The following CDK13 variants were observed in gnomAD, a reference collection of about 807,000 sequenced individuals.
The protein encoded by CDK13 is cyclin-dependent kinase 13.
In CDK13, 40 loss-of-function variants were observed where a neutral mutation model predicts 137.6. The observed-to-expected ratio is 0.29, with a 90% CI of 0.23 to 0.38. CDK13 has a LOEUF of 0.38. CDK13 is among the 10% of genes least tolerant of loss of function. The probability of loss-of-function intolerance (pLI) is 1.00; values close to 1 mark genes in which losing one functional copy is unlikely to be tolerated. For synonymous variants in CDK13, 869 were observed against 760.1 expected, an observed-to-expected ratio of 1.14 and a Z score of -2.36; for missense variants, 1,704 against 1,951.8, an observed-to-expected ratio of 0.87 and a Z score of 2.39.
At chr7:40,078,660 A>G in intron 10 of CDK13, 60 bp from the exon 11 acceptor site, 1 of 1,108,162 alleles carries the variant, frequency 9.0e-7, no homozygotes, top group Admixed American at 3.0e-5. Flanking sequence ...TTAAGCTCCT[A>G]AAGAAACATA....
intron 2 of CDK13, among the ~76,000 whole-genome samples, chr7:39,994,278 A>G (rs1784518067): frequency 6.6e-6 from 1 of 152,160 alleles, no homozygotes; most frequent in South Asian, 2.1e-4. Flanking sequence ...CAGATCTGAT[A>G]GAAGTTTGGT....
chr7:40,019,237 A>G (rs1785064680), intron 5 of CDK13, among the ~76,000 whole-genome samples: 1 of 152,138 alleles, frequency 6.6e-6, no homozygotes, highest in Non-Finnish European at 1.5e-5. Context: ...CTATGTGAAA[A>G]CTATTTAAGT....
intron 5 of CDK13, among the ~76,000 whole-genome samples, chr7:40,043,713 A>T (rs527508440): frequency 6.6e-6 from 1 of 151,800 alleles, no homozygotes; most frequent in East Asian, 1.9e-4. Flanking sequence ...CATGACCCCA[A>T]CTATACTTGG....
intron 11 of CDK13, among the ~76,000 whole-genome samples, chr7:40,082,211 G>A (rs1015690466): frequency 7.9e-5 from 12 of 152,226 alleles, no homozygotes; most frequent in African/African-American, 2.9e-4. Context: ...ATTTTAGGCT[G>A]GGCGCAGTGG....
At chr7:40,065,826 G>A (rs1474792296) in intron 9 of CDK13, among the ~76,000 whole-genome samples, 1 of 152,070 alleles carries the variant, frequency 6.6e-6, no homozygotes. Context: ...ATCTGGTCTT[G>A]GGTTTATTCA....
chr7:40,021,891 A>G (rs1394824559), intron 5 of CDK13, among the ~76,000 whole-genome samples: 1 of 152,212 alleles, frequency 6.6e-6, no homozygotes, highest in East Asian at 1.9e-4. Flanking sequence ...GATGTAGAGA[A>G]TCTCATTATT....
In CDK13 at chr7:40,078,094, G is replaced by A. The variant is rs1317346363; in HGVS notation, c.2870G>A (p.Arg957His). Residue 957 changes from arginine (R) to histidine (H), a missense_variant, in exon 10 of 14, where the codon CGT (arginine) becomes CAT (histidine). Physicochemically the swap from Arg to His is conservative, Grantham distance 29. This residue lies in a region of CDK13 where 130 missense variants were observed against 362.4 expected (regional missense o/e 0.36). Coordinates refer to ENST00000181839, the MANE Select transcript of CDK13 (RefSeq NM_003718.5). ...ACCATGAAACCAAAGAAGCAATATC[G>A]TCGAAAGTTAAGAGAAGAATTTGTT... ...FNTMKPKKQY[R>H]RKLREEFVFI... The A allele has an allele frequency of 3.8e-6, 6 of 1,595,030 alleles. No individual in the cohort carries two copies. Among genetic ancestry groups the A allele is most frequent in the Non-Finnish European group, 2.6e-6 (3 of 1,170,878 alleles).
At position 39,997,474 on chromosome 7, in the gene CDK13, C is replaced by A; in HGVS notation, c.1872-20C>A. The A allele has an allele frequency of 6.3e-7, 1 of 1,581,314 alleles. No homozygotes were observed. The highest frequency in any genetic ancestry group is 1.2e-5 in the South Asian group (1 of 84,416). On this transcript the variant is annotated intron_variant, in intron 2 of 13. Coordinates refer to ENST00000181839, the MANE Select transcript of CDK13 (RefSeq NM_003718.5). ...TCAACAAAATTTTTGTTTTATTTGTCTGACTTCTTTCACTTTCAGCTTACG... is the reference window on the plus strand; with the variant it reads ...TCAACAAAATTTTTGTTTTATTTGTATGACTTCTTTCACTTTCAGCTTACG...
intron 7 of CDK13, chr7:40,060,834 G>C (rs999427775): frequency 6.6e-6 from 1 of 152,266 alleles, no homozygotes; most frequent in Non-Finnish European, 1.5e-5. Context: ...TTGGGAGGCC[G>C]AGGTGCGCAG....
At chr7:40,007,190 T>C (rs1431881692) in intron 5 of CDK13, among the ~76,000 whole-genome samples, 1 of 152,222 alleles carries the variant, frequency 6.6e-6, no homozygotes, top group Non-Finnish European at 1.5e-5. Flanking sequence ...TATTAGTGTT[T>C]TTATAATGAG....
rs2116059505 is a variant in CDK13, at chr7:39,951,261, G to C, written c.620G>C (p.Gly207Ala). The change falls in exon 1 of 14, where the codon GGC becomes GCC. Residue 207 changes from glycine to alanine, a missense_variant. Around this residue, in one of 5 missense-constraint regions of CDK13, gnomAD observed 1,051 missense variants for 931.0 expected, o/e 1.13. Transcript: ENST00000181839. ...RPRRDRRSSS[G>A]RSKERHREHR... ...CGCCGGGACCGCCGCAGCAGCAGTG[G>C]CCGCAGCAAGGAGCGCCACCGCGAG... 1.5e-6 allele frequency: 2 copies of C among 1,329,834 alleles called. No homozygotes were observed. Among genetic ancestry groups the C allele is most frequent in the Non-Finnish European group, 1.9e-6 (2 of 1,046,590 alleles). 82.4% of individuals were successfully genotyped at this position (1,329,834 alleles called of 1,614,324 possible).
At chr7:40,046,634 G>A (rs889333360) in intron 6 of CDK13, among the ~76,000 whole-genome samples, 3 of 150,472 alleles carry the variant, frequency 2.0e-5, no homozygotes, top group Non-Finnish European at 3.0e-5. Context: ...GTGACACAGC[G>A]AGACTCTGGC....
intron 5 of CDK13, among the ~76,000 whole-genome samples, chr7:40,032,588 T>G (rs1785403378): frequency 6.6e-6 from 1 of 152,250 alleles, no homozygotes. Flanking sequence ...TGTCTAAATT[T>G]CATTTTGTTC....
intron 5 of CDK13, among the ~76,000 whole-genome samples, chr7:40,003,751 A>G (rs1049113526): frequency 6.6e-6 from 1 of 152,044 alleles, no homozygotes; most frequent in Non-Finnish European, 1.5e-5. Flanking sequence ...TACTTCTCCA[A>G]TCCCATCTAT....
At position 40,095,401 on chromosome 7, in the gene CDK13, T is replaced by C. The variant is rs1272829677; in HGVS notation, c.*421T>C. 1 of 153,294 alleles carries C rather than the reference T, an allele frequency of 6.5e-6. No homozygotes were observed. The highest frequency in any genetic ancestry group is 1.5e-5 in the Non-Finnish European group (1 of 68,510). 9.5% of individuals were successfully genotyped at this position (153,294 alleles called of 1,614,324 possible). A position where few individuals can be genotyped will look rare whatever the true frequency, so the allele number is the denominator to read the frequency against. On this transcript the variant is annotated 3_prime_UTR_variant, in exon 14 of 14. Coordinates refer to ENST00000181839, the MANE Select transcript of CDK13 (RefSeq NM_003718.5). ...AACAATCAGAAAGGGCACTGATTTA[T>C]TTGGTATTTTTCTTTTTACAAAGCT...
intron 2 of CDK13, among the ~76,000 whole-genome samples, chr7:39,994,413 G>A (rs1784521397): frequency 6.6e-6 from 1 of 151,876 alleles, no homozygotes; most frequent in African/African-American, 2.4e-5. Context: ...ACATATATCT[G>A]TTTCTCTACT....
chr7:40,038,498 T>C (rs988844911), intron 5 of CDK13, among the ~76,000 whole-genome samples: 1 of 152,176 alleles, frequency 6.6e-6, no homozygotes, highest in African/African-American at 2.4e-5. Context: ...AGAATTGGGA[T>C]TGTTAAGTCA....
intron 1 of CDK13, among the ~76,000 whole-genome samples, chr7:39,964,536 G>A (rs1439436776): frequency 1.3e-5 from 2 of 149,962 alleles, no homozygotes; most frequent in Non-Finnish European, 3.0e-5. Context: ...TCTTGCTAGC[G>A]GTCTGTCAAT....
At position 40,051,560 on chromosome 7, in the gene CDK13, T is replaced by C. The variant is rs538064641; in HGVS notation, c.2600+3683T>C. Among the ~76,000 whole-genome samples, 16 of 152,364 alleles carry C rather than the reference T, an allele frequency of 1.1e-4. No individual in the cohort carries two copies. In the South Asian group the frequency reaches 3.1e-3, roughly 30 times the overall value. ...AAGTATAAAGTCACTTTGAAGTGTTTTTATTTTCTAAGTAGTTAATATAGA... is the reference window on the plus strand; with the variant it reads ...AAGTATAAAGTCACTTTGAAGTGTTCTTATTTTCTAAGTAGTTAATATAGA... On this transcript the variant is annotated intron_variant, in intron 7 of 13. Coordinates refer to ENST00000181839, the MANE Select transcript of CDK13 (RefSeq NM_003718.5).
Sources: gnomAD v4.1 joint callset for allele counts (sites outside exome capture counted in the v4.1 genomes callset) on GRCh38, gnomAD v4.1.1 for gene constraint, gnomAD v4.1.1 regional missense constraint, MANE v1.5 for transcripts, NCBI Gene and HGNC (gene_info 2026-07-23, HGNC 2026-07-21) for gene names.